Variants in BUB1B observed in about 807,000 individuals in gnomAD.
The protein encoded by BUB1B is mitotic checkpoint serine/threonine-protein kinase BUB1 beta.
In BUB1B, 86 loss-of-function variants were observed where a neutral mutation model predicts 137.7. The ratio of observed to expected loss-of-function variants is 0.62; its 90% CI spans 0.52 to 0.75. The LOEUF (loss-of-function observed/expected upper bound fraction) is 0.75. Among genes scored for constraint, BUB1B ranks in the 30% least tolerant of loss-of-function variants. The probability of loss-of-function intolerance (pLI) is 0.00; values close to 1 mark genes in which losing one functional copy is unlikely to be tolerated. For missense variants in BUB1B, 1,130 were observed against 1,236.9 expected (o/e 0.91, Z 1.30); for synonymous variants, 420 against 417.9 (o/e 1.00, Z -0.06).
chr15:40,209,871 C>A, intron 17 of BUB1B, 96 bp downstream of exon 17: 2 of 1,494,846 alleles, frequency 1.3e-6, no homozygotes, highest in Non-Finnish European at 1.9e-6. Context: ...TGTAAATATT[C>A]CTAGATTGTA....
In BUB1B at chr15:40,199,605, C is replaced by A; in HGVS notation, c.1289-10C>A. On this transcript the variant is annotated splice_polypyrimidine_tract_variant and intron_variant, in intron 9 of 22. Transcript: ENST00000287598. Reference sequence around the variant, plus strand: ...AGGAATAATACCTCAAGCAACTTTACTGTTTCTAGCCGAGCTATTGACCAG... The same window carrying A: ...AGGAATAATACCTCAAGCAACTTTAATGTTTCTAGCCGAGCTATTGACCAG... The A allele has an allele frequency of 1.2e-6, 2 of 1,611,084 alleles. No individual in the cohort carries two copies. The highest frequency in any genetic ancestry group is 1.7e-6 in the Non-Finnish European group (2 of 1,177,346).
intron 14 of BUB1B, among the ~76,000 whole-genome samples, chr15:40,203,597 A>G (rs1248112501): frequency 6.6e-6 from 1 of 152,154 alleles, no homozygotes; most frequent in Non-Finnish European, 1.5e-5. Flanking sequence ...AGCCTTTTGT[A>G]CTTTTAATTT....
chr15:40,188,452 A>T (rs1197727746), intron 8 of BUB1B, among the ~76,000 whole-genome samples: 2 of 152,140 alleles, frequency 1.3e-5, no homozygotes, highest in East Asian at 3.8e-4. Context: ...CTCTTCATAG[A>T]TGAAGAAAAT....
chr15:40,188,205 G>A (rs971732343), intron 8 of BUB1B, among the ~76,000 whole-genome samples: 5 of 151,992 alleles, frequency 3.3e-5, no homozygotes, highest in African/African-American at 1.2e-4. Flanking sequence ...GGGCCACCAC[G>A]CCCGGCTGAT....
At position 40,209,786 on chromosome 15, in the gene BUB1B, T is replaced by C. The variant is rs375594383; in HGVS notation, c.2284+11T>C. 2.2e-5 allele frequency: 35 copies of C among 1,613,892 alleles called. No individual in the cohort carries two copies. The highest frequency in any genetic ancestry group is 3.0e-5 in the Non-Finnish European group (35 of 1,179,908). On this transcript the variant is annotated intron_variant, in intron 17 of 22. Transcript: ENST00000287598. ...AGGAAATTGAATTAGGTAAGTACCA[T>C]TGAACTCATGTCCTCTGGTTCATGA...
At chr15:40,208,930 A>C (rs966961197) in intron 16 of BUB1B, among the ~76,000 whole-genome samples, 160 bp downstream of exon 16, 1 of 152,016 alleles carries the variant, frequency 6.6e-6, no homozygotes, top group African/African-American at 2.4e-5. Context: ...TGATCCTCCT[A>C]CCTCAGCCTC....
At chr15:40,180,642 CTTTTTTTTTTTTTTTT>C (rs71132149) in intron 5 of BUB1B, among the ~76,000 whole-genome samples, 1 of 65,836 alleles carries the variant, frequency 1.5e-5, no homozygotes, top group South Asian at 6.7e-4. Context: ...TTTTCTTTTT[CTTTTTTTTTTTTTTTT>C]TTTTTTTTTG....
intron 9 of BUB1B, among the ~76,000 whole-genome samples, 175 bp from the exon 10 acceptor site, chr15:40,199,440 T>A (rs1215690113): frequency 6.6e-6 from 1 of 152,236 alleles, no homozygotes; most frequent in Non-Finnish European, 1.5e-5. Flanking sequence ...TTCTATTTTT[T>A]TATTGAATGG....
In BUB1B at chr15:40,220,852, A is replaced by T; in HGVS notation, c.*93A>T. The T allele has an allele frequency of 7.6e-7, 1 of 1,319,332 alleles. No individual in the cohort carries two copies. The highest frequency in any genetic ancestry group is 1.1e-6 in the Non-Finnish European group (1 of 917,364). The allele number at this position is 1,319,332 out of a possible 1,614,324, so 81.7% of individuals were successfully genotyped here. A position where few individuals can be genotyped will look rare whatever the true frequency, so the allele number is the denominator to read the frequency against. On this transcript the variant is annotated 3_prime_UTR_variant, in exon 23 of 23. Coordinates refer to ENST00000287598, the MANE Select transcript of BUB1B (RefSeq NM_001211.6). Reference sequence around the variant, plus strand: ...TATGTGCTGTAATTTAATTTAGGACACATTTAGATGCACTACCATTGCTGT... The same window carrying T: ...TATGTGCTGTAATTTAATTTAGGACTCATTTAGATGCACTACCATTGCTGT...
chr15:40,217,874 C>T (rs1329533757), intron 21 of BUB1B, among the ~76,000 whole-genome samples: 1 of 152,190 alleles, frequency 6.6e-6, no homozygotes, highest in Non-Finnish European at 1.5e-5. Context: ...ACATGACTAA[C>T]TCTGTAACCG....
In BUB1B at chr15:40,220,684, A is replaced by G; in HGVS notation, c.3078A>G (p.Thr1026=). ...AAATGAATGGGGTTTTTGACACTAC[A>G]TTCCAAAGTCACCTGAACAAAGCCT... The part of the protein sequence containing the change: ...AAEMNGVFDT[T]FQSHLNKALW... Residue 1026 remains threonine, a synonymous_variant, in exon 23 of 23, where the codon ACA becomes ACG. Coordinates refer to ENST00000287598, the MANE Select transcript of BUB1B (RefSeq NM_001211.6). The G allele has an allele frequency of 6.2e-7, 1 of 1,614,222 alleles. No homozygotes were observed. Among genetic ancestry groups the G allele is most frequent in the Non-Finnish European group, 8.5e-7 (1 of 1,180,042 alleles).
rs1206351353 is a variant in BUB1B, at chr15:40,170,580, G to C, written c.283G>C (p.Glu95Gln). 1.9e-6 allele frequency: 3 copies of C among 1,613,178 alleles called. No homozygotes were observed. The Admixed American group carries it at 5.0e-5, about 27-fold the overall frequency. Residue 95 changes from glutamate to glutamine, a missense_variant, in exon 4 of 23, where the codon GAG (glutamate) becomes CAG (glutamine). Physicochemically the swap from Glu to Gln is conservative, Grantham distance 29. Coordinates refer to ENST00000287598, the MANE Select transcript of BUB1B (RefSeq NM_001211.6). ...TEQNYPQGGK[E>Q]SNMSTLLERA... ...GCAGAACTATCCTCAAGGTGGGAAG[G>C]AGAGTAATATGTCAACGTTATTAGA...
At chr15:40,186,494 G>C (rs924373679) in intron 8 of BUB1B, among the ~76,000 whole-genome samples, 2 of 143,192 alleles carry the variant, frequency 1.4e-5, no homozygotes, top group African/African-American at 2.7e-5. Flanking sequence ...CTGGAGTGTG[G>C]AGTGCAGTGG....
At chr15:40,203,918 G>A (rs891821086) in intron 14 of BUB1B, among the ~76,000 whole-genome samples, 5 of 152,238 alleles carry the variant, frequency 3.3e-5, no homozygotes, top group African/African-American at 1.2e-4. Context: ...AAGGGGTGAT[G>A]TGAGCAGTAG....
At chr15:40,169,933 C>G in intron 2 of BUB1B, 129 bp from the exon 3 acceptor site, 1 of 842,578 alleles carries the variant, frequency 1.2e-6, no homozygotes, top group Admixed American at 2.0e-5. Context: ...CTATAACAAA[C>G]CCATAAACTC....
intron 8 of BUB1B, among the ~76,000 whole-genome samples, chr15:40,191,786 T>G (rs1025698442): frequency 6.6e-6 from 1 of 152,246 alleles, no homozygotes; most frequent in Non-Finnish European, 1.5e-5. Flanking sequence ...GACCAAAATG[T>G]ATGAATTTAT....
At chr15:40,212,844 G>A (rs753403635) in intron 19 of BUB1B, among the ~76,000 whole-genome samples, 196 bp downstream of exon 19, 2 of 151,930 alleles carry the variant, frequency 1.3e-5, no homozygotes, top group African/African-American at 2.4e-5. Flanking sequence ...TTTTTGGTCC[G>A]TTGTCAAGCA....
chr15:40,213,562 G>C, intron 20 of BUB1B, 88 bp downstream of exon 20: 1 of 1,408,998 alleles, frequency 7.1e-7, no homozygotes, highest in South Asian at 1.2e-5. Flanking sequence ...TGAGGCGAGG[G>C]TCTCACTCTG....
intron 5 of BUB1B, among the ~76,000 whole-genome samples, chr15:40,183,280 C>T (rs539150087): frequency 2.6e-5 from 4 of 152,210 alleles, no homozygotes; most frequent in African/African-American, 7.2e-5. Context: ...TATGTGTGTG[C>T]GTGCACGTGC....
Sources: allele counts gnomAD v4.1 joint callset (sites outside exome capture counted in the v4.1 genomes callset), GRCh38; gene constraint gnomAD v4.1.1; transcripts MANE v1.5; gene names NCBI Gene and HGNC (gene_info 2026-07-23, HGNC 2026-07-21).